INSR: variants seen among roughly 807,000 people sequenced by gnomAD.
INSR encodes insulin receptor.
In INSR, 67 loss-of-function variants were observed where a neutral mutation model predicts 142.6. The observed-to-expected ratio is 0.47, with a 90% confidence interval of 0.39 to 0.58. The LOEUF is 0.58. Ranked by LOEUF, INSR falls within the 20% of genes least tolerant of loss-of-function variation. The pLI is 0.00. For synonymous variants in INSR, 756 were observed against 743.1 expected (o/e 1.02, Z -0.28); for missense variants, 1,248 against 1,833.2 (o/e 0.68, Z 5.83).
Position 7,170,652 on chromosome 19 carries a change from G to A in INSR, c.1368C>T (p.His456=). The change falls in exon 6 of 22, where the codon CAC becomes CAT. Residue 456 remains histidine, a synonymous_variant. Transcript: ENST00000302850. The part of the protein sequence containing the change: ...LTITQGKLFF[H]YNPKLCLSEI... Reference sequence around the variant, plus strand: ...CTGACAAGCAGAGTTTGGGGTTATAGTGGAAGAAGAGTTTCCCCTGAGTGA... The same window carrying A: ...CTGACAAGCAGAGTTTGGGGTTATAATGGAAGAAGAGTTTCCCCTGAGTGA... The A allele has an allele frequency of 6.2e-7, 1 of 1,613,956 alleles. No homozygotes were observed. The highest frequency in any genetic ancestry group is 8.5e-7 in the Non-Finnish European group (1 of 1,179,974).
chr19:7,194,330 T>C (rs971607236), intron 2 of INSR, among the ~76,000 whole-genome samples: 3 of 151,750 alleles, frequency 2.0e-5, no homozygotes, highest in Non-Finnish European at 2.9e-5. Context: ...GGCAGGAGAA[T>C]TGCTTGAACC....
At chr19:7,217,855 G>A (rs3929068) in intron 2 of INSR, among the ~76,000 whole-genome samples, 125,542 of 152,260 alleles carry the variant, frequency 0.82, 51,931 homozygotes, top group Non-Finnish European at 0.85. Flanking sequence ...CACCGCACCC[G>A]GCCTTCTTTT....
chr19:7,274,975 CTT>C (rs546377927), intron 1 of INSR, among the ~76,000 whole-genome samples: 3 of 143,410 alleles, frequency 2.1e-5, no homozygotes, highest in Non-Finnish European at 3.1e-5. Context: ...TTAGACAGCA[CTT>C]TTTTTTTTTT....
At chr19:7,171,920 T>TTC (rs1422878814) in intron 5 of INSR, among the ~76,000 whole-genome samples, 3 of 150,278 alleles carry the variant, frequency 2.0e-5, no homozygotes, top group African/African-American at 4.9e-5. Context: ...TTCTTTTCTT[T>TTC]TTTTTTTTTT....
At chr19:7,152,406 A>AG (rs112409885) in intron 10 of INSR, 3,505 of 303,364 alleles carry the variant, frequency 0.012, 125 homozygotes, top group African/African-American at 0.071. Context: ...AGAGAGAGAG[A>AG]AAAAAAAAAA....
chr19:7,188,276 G>C (rs968348673), intron 2 of INSR, among the ~76,000 whole-genome samples: 13 of 151,928 alleles, frequency 8.6e-5, no homozygotes, highest in African/African-American at 3.1e-4. Flanking sequence ...CTGGGCGCGG[G>C]GGCTCACACC....
chr19:7,197,813 A>AGC lies in INSR; in HGVS notation c.653-13177_653-13176insGC, dbSNP rs1233366669. 2.3e-3 allele frequency among the ~76,000 whole-genome samples: 191 copies of AGC among 81,708 alleles called. 3 individuals carry two copies. Among genetic ancestry groups the AGC allele is most frequent in the African/African-American group, 0.011 (180 of 16,548 alleles). 53.6% of individuals were successfully genotyped at this position (81,708 alleles called of 152,430 possible). A position where few individuals can be genotyped will look rare whatever the true frequency, so the allele number is the denominator to read the frequency against. On this transcript the variant is annotated intron_variant, in intron 2 of 21. Coordinates refer to ENST00000302850, the MANE Select transcript of INSR (RefSeq NM_000208.4). ...GGATTGGTCGGTTCCAGAGTGGGAG[A>AGC]GAGAGCGAGAGAGAGAGAGAACGAG...
chr19:7,257,128 A>G (rs553910441), intron 2 of INSR, among the ~76,000 whole-genome samples: 12 of 151,782 alleles, frequency 7.9e-5, no homozygotes, highest in Non-Finnish European at 1.8e-4. Flanking sequence ...TTTTTAGTAG[A>G]GACGGGGTTT....
intron 2 of INSR, among the ~76,000 whole-genome samples, chr19:7,217,720 T>C (rs898497997): frequency 1.3e-5 from 2 of 152,118 alleles, no homozygotes; most frequent in South Asian, 2.1e-4. Flanking sequence ...CCACCACACC[T>C]GGCTAATTTT....
chr19:7,144,100 C>G (rs1040616514), intron 11 of INSR, among the ~76,000 whole-genome samples: 1 of 151,548 alleles, frequency 6.6e-6, no homozygotes, highest in Non-Finnish European at 1.5e-5. Flanking sequence ...CATAAATCCA[C>G]AGCCCACTGC....
intron 2 of INSR, among the ~76,000 whole-genome samples, chr19:7,254,278 G>A (rs1481303699): frequency 1.3e-5 from 2 of 152,138 alleles, no homozygotes; most frequent in African/African-American, 4.8e-5. Flanking sequence ...TAATGGGGGA[G>A]GCTGAAGCGA....
intron 2 of INSR, among the ~76,000 whole-genome samples, chr19:7,220,665 A>C (rs1377122190): frequency 6.6e-6 from 1 of 152,178 alleles, no homozygotes; most frequent in African/African-American, 2.4e-5. Flanking sequence ...AACTGGGACT[A>C]ACAGAGCATA....
intron 2 of INSR, among the ~76,000 whole-genome samples, chr19:7,189,223 C>T (rs1974513151): frequency 6.6e-6 from 1 of 152,270 alleles, no homozygotes; most frequent in East Asian, 1.9e-4. Context: ...GGAGCCACTT[C>T]AGAGGGTCAG....
At chr19:7,241,686 C>A (rs574629637) in intron 2 of INSR, among the ~76,000 whole-genome samples, 70 of 152,148 alleles carry the variant, frequency 4.6e-4, no homozygotes, top group African/African-American at 1.4e-3. Context: ...CAGCACTTGG[C>A]AGTATCCGGA....
chr19:7,284,163 C>T (rs1027188925), intron 1 of INSR, among the ~76,000 whole-genome samples: 2 of 151,828 alleles, frequency 1.3e-5, no homozygotes, highest in Admixed American at 6.6e-5. Context: ...CTCCTAGGCT[C>T]GAGCAATTCT....
At chr19:7,214,915 TTCCC>T (rs1400828241) in intron 2 of INSR, among the ~76,000 whole-genome samples, 2 of 147,840 alleles carry the variant, frequency 1.4e-5, no homozygotes, top group Non-Finnish European at 3.0e-5. Context: ...CCTTCCTTCC[TTCCC>T]CTCTCCCTCC....
chr19:7,205,549 G>A (rs1379401292), intron 2 of INSR, among the ~76,000 whole-genome samples: 1 of 152,138 alleles, frequency 6.6e-6, no homozygotes, highest in African/African-American at 2.4e-5. Context: ...AGTAGGAGGA[G>A]CGTGGAGAAA....
Position 7,126,639 on chromosome 19 carries a change from C to T in INSR, c.2958G>A (p.Gly986=). The change falls in exon 16 of 22, where the codon GGG becomes GGA. Residue 986 remains glycine, a synonymous_variant. Transcript: ENST00000302850. ...AAGAAGCGTAAAGCGGTCCCAGCGG[C>T]CCATCTGGCTGCCTGGAGGAGGAAA... The part of the protein sequence containing the change: ...YLFLRKRQPD[G]PLGPLYASSN... 1.9e-6 allele frequency: 3 copies of T among 1,564,988 alleles called. No individual in the cohort carries two copies. Among genetic ancestry groups the T allele is most frequent in the Non-Finnish European group, 2.6e-6 (3 of 1,153,112 alleles).
chr19:7,194,322 C>T (rs1377039627), intron 2 of INSR, among the ~76,000 whole-genome samples: 1 of 151,568 alleles, frequency 6.6e-6, no homozygotes, highest in African/African-American at 2.4e-5. Context: ...GAGGCTGAGG[C>T]AGGAGAATTG....
Sources: gnomAD v4.1 joint callset for allele counts (sites outside exome capture counted in the v4.1 genomes callset) on GRCh38, gnomAD v4.1.1 for gene constraint, MANE v1.5 for transcripts, NCBI Gene and HGNC (gene_info 2026-07-23, HGNC 2026-07-21) for gene names.